Variants in SMYD3 observed in about 807,000 individuals in gnomAD.
The protein encoded by SMYD3 is histone-lysine N-methyltransferase SMYD3.
In SMYD3, 36 loss-of-function variants were observed where a neutral mutation model predicts 57.7. That is an observed-to-expected ratio of 0.62 (90% confidence interval 0.48 to 0.82). The LOEUF (loss-of-function observed/expected upper bound fraction) is 0.82. SMYD3 is among the 40% of genes least tolerant of loss of function. SMYD3 has a pLI of 0.00. For missense variants in SMYD3, 515 were observed against 538.8 expected (o/e 0.96, Z 0.44); for synonymous variants, 211 against 195.0 (o/e 1.08, Z -0.68).
At chr1:245,798,418 A>ACACACACAAACACACACACATACACAC (rs2047672621) in intron 10 of SMYD3, among the ~76,000 whole-genome samples, 1 of 143,182 alleles carries the variant, frequency 7.0e-6, no homozygotes. Flanking sequence ...ACACACACAT[A>ACACACACAAACACACACACATACACAC]CACACCCCCA....
At chr1:246,299,980 A>G (rs2148612086) in intron 5 of SMYD3, among the ~76,000 whole-genome samples, 1 of 152,084 alleles carries the variant, frequency 6.6e-6, no homozygotes, top group African/African-American at 2.4e-5. Context: ...TACCTATAAA[A>G]CAGTCCTGCA....
intron 5 of SMYD3, among the ~76,000 whole-genome samples, chr1:246,148,141 T>C (rs117564323): frequency 8.5e-5 from 13 of 152,236 alleles, no homozygotes; most frequent in South Asian, 8.3e-4. Context: ...GAGTGGGGAC[T>C]TGTGGTGCCT....
chr1:246,148,574 G>A (rs2061893260), intron 5 of SMYD3, among the ~76,000 whole-genome samples: 1 of 152,128 alleles, frequency 6.6e-6, no homozygotes, highest in African/African-American at 2.4e-5. Flanking sequence ...GGCCAGAAAA[G>A]CGACACCCCG....
intron 5 of SMYD3, among the ~76,000 whole-genome samples, chr1:246,322,653 T>C (rs1476018514): frequency 2.0e-5 from 3 of 152,176 alleles, no homozygotes; most frequent in South Asian, 2.1e-4. Flanking sequence ...ACACCTTTCA[T>C]TGCTCACACT....
chr1:246,247,441 A>G (rs1780802), intron 5 of SMYD3, among the ~76,000 whole-genome samples: 2,259 of 130,964 alleles, frequency 0.017, 56 homozygotes, highest in African/African-American at 0.042. Context: ...AAAGAGAAGG[A>G]TAACTCTCTC....
chr1:246,140,070 G>A (rs1004408354), intron 5 of SMYD3, among the ~76,000 whole-genome samples: 1 of 152,126 alleles, frequency 6.6e-6, no homozygotes, highest in African/African-American at 2.4e-5. Flanking sequence ...AGTTACATAA[G>A]AATATTATCT....
chr1:246,310,422 C>T (rs1558393366), intron 5 of SMYD3, among the ~76,000 whole-genome samples: 1 of 152,164 alleles, frequency 6.6e-6, no homozygotes, highest in African/African-American at 2.4e-5. Flanking sequence ...GATACTAGCA[C>T]CTAACTGGAG....
chr1:246,368,013 G>GT (rs1223440333), intron 1 of SMYD3, among the ~76,000 whole-genome samples: 3 of 152,232 alleles, frequency 2.0e-5, no homozygotes, highest in African/African-American at 7.2e-5. Flanking sequence ...CCCAGACACA[G>GT]TGGTTCATGG....
At chr1:246,453,411 T>A (rs554772445) in intron 1 of SMYD3, among the ~76,000 whole-genome samples, 1 of 152,112 alleles carries the variant, frequency 6.6e-6, no homozygotes, top group Non-Finnish European at 1.5e-5. Flanking sequence ...GATTACAAAA[T>A]CACATAAAAC....
chr1:246,156,882 T>A (rs1298119375), intron 5 of SMYD3, among the ~76,000 whole-genome samples: 1 of 152,114 alleles, frequency 6.6e-6, no homozygotes, highest in African/African-American at 2.4e-5. Context: ...ATTTAGTGAT[T>A]TGCTGAATCA....
At chr1:246,052,960 G>A (rs1033300544) in intron 5 of SMYD3, 1 of 152,398 alleles carries the variant, frequency 6.6e-6, no homozygotes, top group Non-Finnish European at 1.5e-5. Context: ...GAAAGGGCCA[G>A]CCTCAGTGGC....
intron 1 of SMYD3, among the ~76,000 whole-genome samples, chr1:246,372,223 G>C (rs1572432098): frequency 6.6e-6 from 1 of 152,306 alleles, no homozygotes; most frequent in East Asian, 1.9e-4. Context: ...CAGTTAACGG[G>C]GGTTGGTGCA....
Position 245,796,812 on chromosome 1 carries a change from A to G in SMYD3, c.1077-32663T>C, listed in dbSNP as rs572168929. On this transcript the variant is annotated intron_variant, in intron 10 of 11. Coordinates refer to ENST00000490107, the MANE Select transcript of SMYD3 (RefSeq NM_001167740.2). The stretch of plus-strand genomic sequence containing the variant: ...GACAGCTAGATCACTGCTCCATTCT[A>G]TTAGCTCCAAACATACTGCAACCAC... Among the ~76,000 whole-genome samples the G allele has an allele frequency of 9.2e-5, 14 of 152,270 alleles. No homozygotes were observed. The South Asian group carries it at 2.7e-3, about 29-fold the overall frequency.
At chr1:246,349,960 A>G (rs576021182) in intron 2 of SMYD3, among the ~76,000 whole-genome samples, 2 of 152,354 alleles carry the variant, frequency 1.3e-5, no homozygotes, top group East Asian at 3.9e-4. Context: ...ATCTAAATGC[A>G]TCAATTAAAA....
intron 5 of SMYD3, among the ~76,000 whole-genome samples, chr1:246,150,707 G>T (rs1459819189): frequency 6.6e-6 from 1 of 152,198 alleles, no homozygotes; most frequent in Non-Finnish European, 1.5e-5. Flanking sequence ...TGGCCCAGCC[G>T]TGGAAGTCCA....
chr1:246,253,429 T>C (rs540205523), intron 5 of SMYD3, among the ~76,000 whole-genome samples: 2 of 152,190 alleles, frequency 1.3e-5, no homozygotes, highest in Non-Finnish European at 2.9e-5. Flanking sequence ...TGCATCCAGG[T>C]TGCTGCAAAG....
chr1:246,242,633 A>G (rs2063633893), intron 5 of SMYD3, among the ~76,000 whole-genome samples: 1 of 152,178 alleles, frequency 6.6e-6, no homozygotes, highest in African/African-American at 2.4e-5. Flanking sequence ...AAATGCTCCA[A>G]TTAAAAGACA....
At chr1:246,329,167 C>T (rs889608915) in intron 4 of SMYD3, among the ~76,000 whole-genome samples, 1 of 152,114 alleles carries the variant, frequency 6.6e-6, no homozygotes, top group East Asian at 1.9e-4. Context: ...GCATGTGTCT[C>T]TATAGCAGCA....
chr1:246,008,459 G>T (rs985385187), intron 5 of SMYD3, among the ~76,000 whole-genome samples: 1 of 152,194 alleles, frequency 6.6e-6, no homozygotes, highest in South Asian at 2.1e-4. Flanking sequence ...CTGCCCTCTG[G>T]GCTTCCCCTC....
Sources: allele counts gnomAD v4.1 joint callset (sites outside exome capture counted in the v4.1 genomes callset), GRCh38; gene constraint gnomAD v4.1.1; transcripts MANE v1.5; gene names NCBI Gene and HGNC (gene_info 2026-07-23, HGNC 2026-07-21).